The following TGFBR3 variants were observed in gnomAD, a reference collection of about 807,000 sequenced individuals.
TGFBR3 encodes transforming growth factor beta receptor type 3.
Under a neutral mutation model 87.9 loss-of-function variants are expected in TGFBR3, and 46 were observed. That is an observed-to-expected ratio of 0.52 (90% confidence interval 0.41 to 0.67). The LOEUF is 0.67. Among genes scored for constraint, TGFBR3 ranks in the 30% least tolerant of loss-of-function variants. The probability of loss-of-function intolerance (pLI) is 0.00; values close to 1 mark genes in which losing one functional copy is unlikely to be tolerated. For synonymous variants in TGFBR3, 381 were observed against 391.6 expected (o/e 0.97, Z 0.32); for missense variants, 866 against 1,041.9 (o/e 0.83, Z 2.32).
At chr1:91,798,524 C>T (rs1371638170) in intron 2 of TGFBR3, among the ~76,000 whole-genome samples, 1 of 152,180 alleles carries the variant, frequency 6.6e-6, no homozygotes, top group African/African-American at 2.4e-5. Context: ...CCAAATTCCT[C>T]TTCCACTCTC....
intron 3 of TGFBR3, among the ~76,000 whole-genome samples, chr1:91,784,904 A>G (rs1332266689): frequency 6.6e-6 from 1 of 152,138 alleles, no homozygotes; most frequent in Non-Finnish European, 1.5e-5. Flanking sequence ...TTCATCCTCT[A>G]TTACAGGAAT....
At chr1:91,792,134 G>A (rs1468288968) in intron 3 of TGFBR3, among the ~76,000 whole-genome samples, 6 of 152,198 alleles carry the variant, frequency 3.9e-5, no homozygotes, top group African/African-American at 1.4e-4. Flanking sequence ...CTGCCAAAAA[G>A]CCTGGAGCCA....
At chr1:91,849,417 A>C (rs951348739) in intron 2 of TGFBR3, among the ~76,000 whole-genome samples, 4 of 151,934 alleles carry the variant, frequency 2.6e-5, no homozygotes, top group African/African-American at 7.3e-5. Context: ...AACTTCCACC[A>C]CAGGGCCTCT....
intron 16 of TGFBR3, among the ~76,000 whole-genome samples, chr1:91,694,011 ATTTAT>A (rs966190450): frequency 5.3e-5 from 8 of 152,112 alleles, no homozygotes; most frequent in Admixed American, 3.9e-4. Context: ...CTGGAGTCTT[ATTTAT>A]TTTGAGACAA....
chr1:91,901,552 ATATAT>A (rs1260805499), intron 1 of TGFBR3, among the ~76,000 whole-genome samples: 3 of 152,218 alleles, frequency 2.0e-5, no homozygotes, highest in African/African-American at 4.8e-5. Context: ...GTATACTATT[ATATAT>A]TATAACATGT....
At chr1:91,840,149 T>A (rs1459945458) in intron 2 of TGFBR3, among the ~76,000 whole-genome samples, 7 of 140,106 alleles carry the variant, frequency 5.0e-5, no homozygotes, top group Non-Finnish European at 9.4e-5. Flanking sequence ...ATCTCTACTT[T>A]AAAAAAAAAA....
At chr1:91,845,551 G>A (rs771155546) in intron 2 of TGFBR3, among the ~76,000 whole-genome samples, 3 of 152,062 alleles carry the variant, frequency 2.0e-5, no homozygotes, top group Non-Finnish European at 4.4e-5. Flanking sequence ...TAAGGGACAG[G>A]GACTTCTATT....
chr1:91,770,672 T>C (rs1413647245), intron 3 of TGFBR3, among the ~76,000 whole-genome samples: 1 of 152,204 alleles, frequency 6.6e-6, no homozygotes, highest in Non-Finnish European at 1.5e-5. Context: ...AAATATACAA[T>C]TCCCATTAGC....
chr1:91,780,102 T>C (rs992783588), intron 3 of TGFBR3, among the ~76,000 whole-genome samples: 2 of 152,156 alleles, frequency 1.3e-5, no homozygotes, highest in East Asian at 3.8e-4. Context: ...TCCAGGATAA[T>C]CCTCCATCTC....
At chr1:91,795,281 A>G (rs1675336051) in intron 3 of TGFBR3, among the ~76,000 whole-genome samples, 1 of 152,220 alleles carries the variant, frequency 6.6e-6, no homozygotes, top group Admixed American at 6.5e-5. Flanking sequence ...AATCATACAT[A>G]TACTATACTA....
At position 91,781,445 on chromosome 1, in the gene TGFBR3, C is replaced by T. The variant is rs148995424; in HGVS notation, c.246+15842G>A. On this transcript the variant is annotated intron_variant, in intron 3 of 16. Coordinates refer to ENST00000212355, the MANE Select transcript of TGFBR3 (RefSeq NM_003243.5). Reference sequence around the variant, plus strand: ...ACATGCTGCGCTGCCTGTGCTATGCCTTCCAGAGGCCTCTCCAGCAGAATG... The same window carrying T: ...ACATGCTGCGCTGCCTGTGCTATGCTTTCCAGAGGCCTCTCCAGCAGAATG... 1.3e-3 allele frequency among the ~76,000 whole-genome samples: 205 copies of T among 152,296 alleles called. 1 individual carries two copies. The highest frequency in any genetic ancestry group is 2.3e-3 in the Non-Finnish European group (156 of 68,022).
At chr1:91,768,702 T>C (rs1319970249) in intron 3 of TGFBR3, among the ~76,000 whole-genome samples, 1 of 152,176 alleles carries the variant, frequency 6.6e-6, no homozygotes, top group Non-Finnish European at 1.5e-5. Flanking sequence ...TGCTTTCCCT[T>C]CGCCTTCTGC....
intron 1 of TGFBR3, among the ~76,000 whole-genome samples, chr1:91,869,242 G>T (rs1300855632): frequency 6.6e-6 from 1 of 152,158 alleles, no homozygotes; most frequent in Non-Finnish European, 1.5e-5. Flanking sequence ...TTCCTTCCAA[G>T]TATGGCTTTC....
intron 2 of TGFBR3, among the ~76,000 whole-genome samples, chr1:91,843,711 C>T (rs772281351): frequency 8.5e-5 from 13 of 152,180 alleles, no homozygotes; most frequent in Non-Finnish European, 1.5e-4. Flanking sequence ...TGTGGTCACA[C>T]AGCCTATGAT....
At chr1:91,847,423 G>C (rs2101132581) in intron 2 of TGFBR3, among the ~76,000 whole-genome samples, 1 of 151,992 alleles carries the variant, frequency 6.6e-6, no homozygotes, top group South Asian at 2.1e-4. Context: ...GAGCAACATG[G>C]AGAAACCCCA....
chr1:91,868,825 A>T (rs1473669315), intron 1 of TGFBR3, among the ~76,000 whole-genome samples: 1 of 152,212 alleles, frequency 6.6e-6, no homozygotes, highest in Non-Finnish European at 1.5e-5. Context: ...CTCTACAAAA[A>T]ATTTAAAAGT....
At chr1:91,883,447 G>A (rs1679177825) in intron 1 of TGFBR3, among the ~76,000 whole-genome samples, 1 of 152,100 alleles carries the variant, frequency 6.6e-6, no homozygotes, top group Non-Finnish European at 1.5e-5. Context: ...ATTAAATCTA[G>A]TCCTCCATTA....
intron 1 of TGFBR3, 195 bp from the exon 2 acceptor site, chr1:91,861,839 T>C (rs1230700278): frequency 2.8e-6 from 1 of 360,808 alleles, no homozygotes; most frequent in Non-Finnish European, 5.1e-6. Flanking sequence ...CTTTTGCAAA[T>C]GACATATTTG....
At chr1:91,817,880 G>GAAAAAAAAAAAAAAAA (rs5776119) in intron 2 of TGFBR3, among the ~76,000 whole-genome samples, 1 of 139,066 alleles carries the variant, frequency 7.2e-6, no homozygotes, top group African/African-American at 2.7e-5. Context: ...ACTGATAACA[G>GAAAAAAAAAAAAAAAA]AAAAAAAAAA....
Sources: gnomAD v4.1 joint callset for allele counts (sites outside exome capture counted in the v4.1 genomes callset) on GRCh38, gnomAD v4.1.1 for gene constraint, MANE v1.5 for transcripts, NCBI Gene and HGNC (gene_info 2026-07-23, HGNC 2026-07-21) for gene names.